The following MFHAS1 variants were observed in gnomAD, a reference collection of about 807,000 sequenced individuals.
The protein encoded by MFHAS1 is multifunctional ROCO family signaling regulator 1, also known as malignant fibrous histiocytoma-amplified sequence 1.
A neutral mutation model predicts 70.4 loss-of-function variants in MFHAS1; 50 were observed. The observed-to-expected ratio is 0.71, with a 90% confidence interval of 0.57 to 0.90. The LOEUF is 0.90. Ranked by LOEUF, MFHAS1 falls within the 40% of genes least tolerant of loss-of-function variation. The pLI is 0.00. For missense variants in MFHAS1, 1,795 were observed against 1,347.6 expected (o/e 1.33, Z -5.20); for synonymous variants, 952 against 620.0 (o/e 1.54, Z -7.96).
Position 8,838,526 on chromosome 8 carries a change from A to G in MFHAS1, c.2999-41035T>C, listed in dbSNP as rs1341397492. ...TAATAAGCCTCACATAAAATTCCAT[A>G]TATCAGCTGGGCACGTTGGCTCATG... On this transcript the variant is annotated intron_variant, in intron 1 of 2. Coordinates refer to ENST00000276282, the MANE Select transcript of MFHAS1 (RefSeq NM_004225.3). Among the ~76,000 whole-genome samples the G allele has an allele frequency of 3.9e-5, 6 of 152,108 alleles. No individual in the cohort carries two copies. The East Asian group carries it at 7.7e-4, about 20-fold the overall frequency.
intron 1 of MFHAS1, among the ~76,000 whole-genome samples, chr8:8,864,799 A>G (rs1808795719): frequency 6.6e-6 from 1 of 152,204 alleles, no homozygotes; most frequent in African/African-American, 2.4e-5. Context: ...GAAAAAAGGA[A>G]AGGGAAGGAG....
intron 1 of MFHAS1, among the ~76,000 whole-genome samples, chr8:8,812,714 G>A (rs1022465396): frequency 1.3e-5 from 2 of 152,168 alleles, no homozygotes; most frequent in Non-Finnish European, 2.9e-5. Flanking sequence ...TTTTGCCATA[G>A]GTTTTTTAGT....
intron 1 of MFHAS1, among the ~76,000 whole-genome samples, chr8:8,800,009 A>G (rs897947155): frequency 1.3e-5 from 2 of 152,160 alleles, no homozygotes; most frequent in Non-Finnish European, 2.9e-5. Context: ...TTGGGAACCC[A>G]CTTCTGGGGC....
rs1321492468 is a variant in MFHAS1 at position 8,890,827 on chromosome 8, A to C, written c.2232T>G (p.Asp744Glu). The change falls in exon 1 of 3, where the codon GAT (aspartate) becomes GAG (glutamate). Residue 744 changes from aspartate (D) to glutamate (E), a missense_variant. By Grantham distance (45) the Asp-to-Glu change is conservative (BLOSUM62 2). Coordinates refer to ENST00000276282, the MANE Select transcript of MFHAS1 (RefSeq NM_004225.3). The stretch of plus-strand genomic sequence containing the variant: ...GCAGCTTATGCAGCAGCAAAGAGGG[A>C]TCCCTCTGGAAGAAGACATTGAGGA... ...IDILNVFFQR[D>E]PSLLLHKLLL... The C allele has an allele frequency of 2.8e-5, 46 of 1,614,106 alleles. No individual in the cohort carries two copies. Among genetic ancestry groups the C allele is most frequent in the Non-Finnish European group, 3.7e-5 (44 of 1,180,052 alleles).
At chr8:8,848,918 A>G (rs1247244990) in intron 1 of MFHAS1, among the ~76,000 whole-genome samples, 1 of 152,176 alleles carries the variant, frequency 6.6e-6, no homozygotes, top group African/African-American at 2.4e-5. Flanking sequence ...GAAGGTAGGA[A>G]GAGGGATTTA....
In MFHAS1 at chr8:8,892,340, C is replaced by G. The variant is rs372881398; in HGVS notation, c.719G>C (p.Gly240Ala). ...KILWLSGAEL[G>A]TLPAGFCELA... ...CTCGCAGAAGCCGGCGGGCAGCGTGCCAAGCTCGGCCCCACTCAGCCAGAG... is the reference window on the plus strand; with the variant it reads ...CTCGCAGAAGCCGGCGGGCAGCGTGGCAAGCTCGGCCCCACTCAGCCAGAG... The change falls in exon 1 of 3, where the codon GGC becomes GCC. Residue 240 changes from glycine to alanine, a missense_variant. Coordinates refer to ENST00000276282, the MANE Select transcript of MFHAS1 (RefSeq NM_004225.3). The surrounding 1 kb of genome is among the most constrained non-coding windows in gnomAD (Gnocchi z 4.7). 4 of 1,611,560 alleles carry G rather than the reference C, an allele frequency of 2.5e-6. No individual in the cohort carries two copies. The African/African-American group carries it at 5.3e-5, about 22-fold the overall frequency.
chr8:8,821,368 C>T (rs1160737357), intron 1 of MFHAS1, among the ~76,000 whole-genome samples: 1 of 152,098 alleles, frequency 6.6e-6, no homozygotes, highest in Non-Finnish European at 1.5e-5. Flanking sequence ...TTCATCACGC[C>T]GAATTTTACA....
At chr8:8,826,247 A>AGTGTGTGTGTGTGTGTGT (rs112140342) in intron 1 of MFHAS1, among the ~76,000 whole-genome samples, 23 of 147,870 alleles carry the variant, frequency 1.6e-4, no homozygotes, top group African/African-American at 4.7e-4. Context: ...AAACACAAAG[A>AGTGTGTGTGTGTGTGTGT]GTGTGTGTGT....
chr8:8,890,830 C>T lies in MFHAS1; in HGVS notation c.2229G>A (p.Arg743=). The T allele has an allele frequency of 3.1e-6, 5 of 1,614,240 alleles. No individual in the cohort carries two copies. Among genetic ancestry groups the T allele is most frequent in the Non-Finnish European group, 4.2e-6 (5 of 1,180,052 alleles). Residue 743 remains arginine (R), a synonymous_variant, in exon 1 of 3, where the codon AGG becomes AGA. Coordinates refer to ENST00000276282, the MANE Select transcript of MFHAS1 (RefSeq NM_004225.3). ...LIDILNVFFQ[R]DPSLLLHKLL... ...GCTTATGCAGCAGCAAAGAGGGATC[C>T]CTCTGGAAGAAGACATTGAGGATGT...
chr8:8,824,989 G>C (rs542941403), intron 1 of MFHAS1, among the ~76,000 whole-genome samples: 2 of 152,188 alleles, frequency 1.3e-5, no homozygotes, highest in Non-Finnish European at 2.9e-5. Context: ...ACTCCTAGGG[G>C]ACCTGCTTTC....
chr8:8,864,072 T>C (rs1585058951), intron 1 of MFHAS1, among the ~76,000 whole-genome samples: 5 of 152,192 alleles, frequency 3.3e-5, no homozygotes, highest in Non-Finnish European at 7.3e-5. Context: ...AAGCCCCCAA[T>C]TTTAGTTGGT....
At chr8:8,876,456 C>G (rs902858721) in intron 1 of MFHAS1, among the ~76,000 whole-genome samples, 1 of 152,046 alleles carries the variant, frequency 6.6e-6, no homozygotes, top group Admixed American at 6.5e-5. Flanking sequence ...TGTTGTCGGC[C>G]GGGCGTGGTG....
chr8:8,854,546 G>A (rs1481167540), intron 1 of MFHAS1, among the ~76,000 whole-genome samples: 1 of 150,252 alleles, frequency 6.7e-6, no homozygotes, highest in Non-Finnish European at 1.5e-5. Flanking sequence ...TTAGCCAGGT[G>A]AGGTGGTGCA....
At chr8:8,880,134 G>A (rs1446209637) in intron 1 of MFHAS1, among the ~76,000 whole-genome samples, 8 of 152,242 alleles carry the variant, frequency 5.3e-5, no homozygotes, top group Non-Finnish European at 4.4e-5. Flanking sequence ...ACACTAAGAG[G>A]ATCCCCACAA....
chr8:8,834,873 T>TG (rs1371505729), intron 1 of MFHAS1, among the ~76,000 whole-genome samples: 2 of 152,156 alleles, frequency 1.3e-5, no homozygotes, highest in African/African-American at 4.8e-5. Flanking sequence ...CACTGGATAT[T>TG]TTAAATCTTG....
chr8:8,812,413 C>A (rs1028214617), intron 1 of MFHAS1, among the ~76,000 whole-genome samples: 1 of 152,144 alleles, frequency 6.6e-6, no homozygotes, highest in Admixed American at 6.5e-5. Flanking sequence ...ATCTTTCTTT[C>A]TGCAATTCTC....
chr8:8,844,701 C>G (rs1161267125), intron 1 of MFHAS1, among the ~76,000 whole-genome samples: 1 of 152,194 alleles, frequency 6.6e-6, no homozygotes, highest in Non-Finnish European at 1.5e-5. Flanking sequence ...TCTCTTACAT[C>G]TTCTCAAAGC....
At chr8:8,837,735 A>ACC (rs1807652397) in intron 1 of MFHAS1, among the ~76,000 whole-genome samples, 1 of 152,108 alleles carries the variant, frequency 6.6e-6, no homozygotes, top group Admixed American at 6.6e-5. Flanking sequence ...ACCACTGCAC[A>ACC]CCCATTAGGA....
Position 8,815,946 on chromosome 8 carries a change from A to G in MFHAS1, c.2999-18455T>C, listed in dbSNP as rs546033581. On this transcript the variant is annotated intron_variant, in intron 1 of 2. Transcript: ENST00000276282. ...TCGGCACATAAACAAATTGTGGCAT[A>G]TTCGTACAATAGACTACTATCTAGG... is the stretch of plus-strand genomic sequence containing the variant. 5.9e-5 allele frequency among the ~76,000 whole-genome samples: 9 copies of G among 152,370 alleles called. No homozygotes were observed. In the East Asian group the frequency reaches 1.7e-3, roughly 29 times the overall value.
Sources: allele counts gnomAD v4.1 joint callset (sites outside exome capture counted in the v4.1 genomes callset), GRCh38; gene constraint gnomAD v4.1.1; non-coding constraint Gnocchi (gnomAD v3.1); transcripts MANE v1.5; gene names NCBI Gene and HGNC (gene_info 2026-07-23, HGNC 2026-07-21).